TESC: variants seen among roughly 807,000 people sequenced by gnomAD.
TESC encodes the protein calcineurin B homologous protein 3.
Under a neutral mutation model 31.0 loss-of-function variants are expected in TESC, and 19 were observed. That is an observed-to-expected ratio of 0.61 (90% CI 0.43 to 0.90). The LOEUF (loss-of-function observed/expected upper bound fraction) is 0.90. Among genes scored for constraint, TESC ranks in the 40% least tolerant of loss-of-function variants. The pLI, the probability that TESC is intolerant of heterozygous loss-of-function variation, is 0.00. For synonymous variants in TESC, 109 were observed against 114.8 expected (o/e 0.95, Z 0.32); for missense variants, 248 against 303.8 (o/e 0.82, Z 1.36).
chr12:117,039,377 G>A (rs1476777462), intron 7 of TESC, among the ~76,000 whole-genome samples, 167 bp from the exon 8 acceptor site: 1 of 152,220 alleles, frequency 6.6e-6, no homozygotes, highest in Non-Finnish European at 1.5e-5. Context: ...AGCTAAGCGA[G>A]GACGAAAAAC....
intron 4 of TESC, 52 bp from the exon 5 acceptor site, chr12:117,046,890 C>T: frequency 6.5e-7 from 1 of 1,529,138 alleles, no homozygotes; most frequent in Non-Finnish European, 8.8e-7. Context: ...CTGGCCCCTG[C>T]CACCCCCTGA....
In TESC at chr12:117,045,701, C is replaced by A. The variant is rs1011413433; in HGVS notation, c.519+858G>T. On this transcript the variant is annotated intron_variant, in intron 6 of 7. Coordinates refer to ENST00000335209, the MANE Select transcript of TESC (RefSeq NM_017899.4). The stretch of plus-strand genomic sequence containing the variant: ...CACAGAGAGCAGGATCCAGCATGAA[C>A]GCCCCTCCACTCCAGGCTGGGCAAA... 2.0e-5 allele frequency among the ~76,000 whole-genome samples: 3 copies of A among 152,242 alleles called. No homozygotes were observed. The East Asian group carries it at 5.8e-4, about 29-fold the overall frequency.
chr12:117,050,348 C>T (rs1954630898), intron 3 of TESC, among the ~76,000 whole-genome samples: 1 of 152,226 alleles, frequency 6.6e-6, no homozygotes. Context: ...GGTTTGCCAA[C>T]CTCTGCTCGC....
At chr12:117,086,353 C>T (rs1179621234) in intron 1 of TESC, among the ~76,000 whole-genome samples, 1 of 152,068 alleles carries the variant, frequency 6.6e-6, no homozygotes, top group Non-Finnish European at 1.5e-5. Context: ...CTGCCCACCT[C>T]GGCCTCCCAA....
chr12:117,091,148 T>C (rs1235598077), intron 1 of TESC, among the ~76,000 whole-genome samples: 1 of 152,128 alleles, frequency 6.6e-6, no homozygotes, highest in Non-Finnish European at 1.5e-5. Context: ...CACTCGACCT[T>C]CTGGTTTTAT....
intron 3 of TESC, among the ~76,000 whole-genome samples, chr12:117,053,135 G>A (rs566568068): frequency 3.3e-4 from 51 of 152,260 alleles, no homozygotes; most frequent in Admixed American, 9.8e-4. Flanking sequence ...CTGGACACCC[G>A]ACATTCCCCA....
At chr12:117,075,923 G>GTA (rs1214809145) in intron 1 of TESC, among the ~76,000 whole-genome samples, 7,512 of 68,438 alleles carry the variant, frequency 0.11, 722 homozygotes, top group Non-Finnish European at 0.14. Flanking sequence ...ATGTGTGTGT[G>GTA]TATATATATA....
At chr12:117,046,037 G>A (rs566561340) in intron 6 of TESC, among the ~76,000 whole-genome samples, 1 of 152,238 alleles carries the variant, frequency 6.6e-6, no homozygotes, top group East Asian at 1.9e-4. Context: ...GATGAACATG[G>A]AAAGGCCACT....
intron 6 of TESC, among the ~76,000 whole-genome samples, chr12:117,043,356 TACA>T (rs769203390): frequency 6.6e-6 from 1 of 151,950 alleles, no homozygotes; most frequent in Non-Finnish European, 1.5e-5. Context: ...TGAAATTCTG[TACA>T]ACGTGTGTTT....
chr12:117,087,631 C>T (rs1955235201), intron 1 of TESC, among the ~76,000 whole-genome samples: 1 of 152,230 alleles, frequency 6.6e-6, no homozygotes, highest in Non-Finnish European at 1.5e-5. Context: ...ATGTTCCCTT[C>T]CTACAGCTAT....
rs553253948 is a variant in TESC, at chr12:117,063,089, T to C, written c.129-6203A>G. Reference sequence around the variant, plus strand: ...CGTGACATCAAGCTGTGCTAAGCACTGCAACACTTAATCACCCCCACATAA... The same window carrying C: ...CGTGACATCAAGCTGTGCTAAGCACCGCAACACTTAATCACCCCCACATAA... On this transcript the variant is annotated intron_variant, in intron 2 of 7. Transcript: ENST00000335209. Among the ~76,000 whole-genome samples, 8 of 152,334 alleles carry C rather than the reference T, an allele frequency of 5.3e-5. No individual in the cohort carries two copies. In the South Asian group the frequency reaches 1.2e-3, roughly 24 times the overall value.
intron 1 of TESC, among the ~76,000 whole-genome samples, chr12:117,095,521 C>A (rs1283768543): frequency 6.6e-6 from 1 of 152,128 alleles, no homozygotes. Flanking sequence ...TTTTCCTATC[C>A]CTTCTTGGTT....
At position 117,049,698 on chromosome 12, in the gene TESC, C is replaced by T. The variant is rs142743369; in HGVS notation, c.210-540G>A. 3.5e-3 allele frequency among the ~76,000 whole-genome samples: 525 copies of T among 152,084 alleles called. 1 individual carries two copies. The highest frequency in any genetic ancestry group is 5.5e-3 in the Non-Finnish European group (375 of 67,982). On this transcript the variant is annotated intron_variant, in intron 3 of 7. Coordinates refer to ENST00000335209, the MANE Select transcript of TESC (RefSeq NM_017899.4). ...GGCAGATCACCTGAGGTCAGGAGTT[C>T]GAGACCAGCCTGGCCAACATGATGA... is the stretch of plus-strand genomic sequence containing the variant.
intron 3 of TESC, among the ~76,000 whole-genome samples, chr12:117,052,180 T>G (rs1455792419): frequency 1.3e-5 from 2 of 152,166 alleles, no homozygotes; most frequent in East Asian, 3.9e-4. Context: ...CCATTTTCAC[T>G]CTTTTTGCAA....
At chr12:117,086,384 G>A (rs532205698) in intron 1 of TESC, among the ~76,000 whole-genome samples, 6 of 151,988 alleles carry the variant, frequency 3.9e-5, no homozygotes, top group African/African-American at 1.4e-4. Context: ...TTACAAGCAT[G>A]AGCCACTGCT....
intron 3 of TESC, among the ~76,000 whole-genome samples, chr12:117,056,346 T>A (rs1006027539): frequency 7.2e-6 from 1 of 139,412 alleles, no homozygotes. Flanking sequence ...CGTGAGCCAC[T>A]GTGCCCAGCC....
At chr12:117,093,975 G>C (rs1955355191) in intron 1 of TESC, among the ~76,000 whole-genome samples, 1 of 152,020 alleles carries the variant, frequency 6.6e-6, no homozygotes, top group South Asian at 2.1e-4. Context: ...AGCTCAAGGT[G>C]GTGAAGGACA....
Position 117,099,359 on chromosome 12 carries a change from T to TGGCCTCGGGTCC in TESC, c.-89_-78dup, listed in dbSNP as rs749387406. The TGGCCTCGGGTCC allele has an allele frequency of 9.8e-5, 128 of 1,305,850 alleles. No homozygotes were observed. The African/African-American group carries it at 1.2e-3, about 12-fold the overall frequency. The allele number at this position is 1,305,850 out of a possible 1,614,324, so 80.9% of individuals were successfully genotyped here. A position where few individuals can be genotyped will look rare whatever the true frequency, so the allele number is the denominator to read the frequency against. ...GGCTTCGGCTGCGCAGCGGCGGGAC[T>TGGCCTCGGGTCC]GGCCTCGGGTCCGGCCTCGGGTCGG... On this transcript the variant is annotated 5_prime_UTR_variant, in exon 1 of 8. Transcript: ENST00000335209.
intron 1 of TESC, among the ~76,000 whole-genome samples, chr12:117,075,871 G>GTGTATATATATATATATATA: frequency 2.2e-5 from 1 of 45,132 alleles, no homozygotes; most frequent in South Asian, 8.0e-4. Flanking sequence ...ATATATATAT[G>GTGTATATATATATATATATA]TGTGTATATA....
Sources: allele counts gnomAD v4.1 joint callset (sites outside exome capture counted in the v4.1 genomes callset), GRCh38; gene constraint gnomAD v4.1.1; transcripts MANE v1.5; gene names NCBI Gene and HGNC (gene_info 2026-07-23, HGNC 2026-07-21).